Variants in FAM200B observed in about 807,000 individuals in gnomAD.
FAM200B encodes the protein protein FAM200B.
Under a neutral mutation model 33.1 loss-of-function variants are expected in FAM200B, and 32 were observed. The observed-to-expected ratio is 0.97, with a 90% CI of 0.73 to 1.30. The LOEUF is 1.30. FAM200B is among the 50% of genes most tolerant of loss of function. The probability of loss-of-function intolerance (pLI) is 0.00; values close to 1 mark genes in which losing one functional copy is unlikely to be tolerated. For missense variants in FAM200B, 741 were observed against 754.0 expected, an observed-to-expected ratio of 0.98 and a Z score of 0.20; for synonymous variants, 240 against 264.8, an observed-to-expected ratio of 0.91 and a Z score of 0.91.
chr4:15,641,962 A>T, the FAM200B span, among the ~76,000 whole-genome samples: 3 of 151,766 alleles, frequency 2.0e-5, no homozygotes, highest in Admixed American at 2.0e-4. Context: ...TGGAAGAAGG[A>T]GGTTGCGGTG....
chr4:15,670,870 G>C, the FAM200B span, among the ~76,000 whole-genome samples: 29 of 140,172 alleles, frequency 2.1e-4, no homozygotes, highest in African/African-American at 7.6e-4. Context: ...GTCTGAAAAA[G>C]TATGCTGCTT....
the FAM200B span, among the ~76,000 whole-genome samples, chr4:15,659,379 T>C: frequency 6.6e-6 from 1 of 152,162 alleles, no homozygotes; most frequent in South Asian, 2.1e-4. Flanking sequence ...ATTTCAACAA[T>C]TGTTACCCTC....
At chr4:15,673,378 C>T in the FAM200B span, among the ~76,000 whole-genome samples, 1 of 152,026 alleles carries the variant, frequency 6.6e-6, no homozygotes, top group African/African-American at 2.4e-5. Flanking sequence ...AAGGTCGAGG[C>T]TGCAGTGAGC....
the FAM200B span, among the ~76,000 whole-genome samples, chr4:15,648,483 A>G: frequency 6.6e-6 from 1 of 152,208 alleles, no homozygotes; most frequent in South Asian, 2.1e-4. Context: ...AGCCAACCTG[A>G]GTGCTTGTCC....
At position 15,688,774 on chromosome 4, in the gene FAM200B, C is replaced by T. The variant is rs977915674; in HGVS notation, c.1797C>T (p.Val599=). 6.4e-7 allele frequency: 1 copy of T among 1,550,906 alleles called. No individual in the cohort carries two copies. Among genetic ancestry groups the T allele is most frequent in the Non-Finnish European group, 8.7e-7 (1 of 1,146,492 alleles). Residue 599 remains valine, a synonymous_variant, in exon 2 of 2, where the codon GTC becomes GTT. Coordinates refer to ENST00000422728, the MANE Select transcript of FAM200B (RefSeq NM_001145191.2). ...TTCCATTGTTAAGTAGAAAGAGTGTCCTGCTATTGCTACCATTCACAACAA... is the reference window on the plus strand; with the variant it reads ...TTCCATTGTTAAGTAGAAAGAGTGTTCTGCTATTGCTACCATTCACAACAA... ...EDFPLLSRKS[V]LLLLPFTTTS...
upstream of FAM200B, among the ~76,000 whole-genome samples, chr4:15,679,738 A>G (rs1391595180): frequency 6.6e-6 from 1 of 151,804 alleles, no homozygotes; most frequent in Non-Finnish European, 1.5e-5. Flanking sequence ...AAAAATCCCA[A>G]TTATATTCCT....
the FAM200B span, among the ~76,000 whole-genome samples, chr4:15,675,180 A>G: frequency 6.6e-6 from 1 of 152,284 alleles, no homozygotes; most frequent in South Asian, 2.1e-4. Flanking sequence ...CACATAATTT[A>G]TAGAGGAAAG....
At chr4:15,675,422 T>C in the FAM200B span, among the ~76,000 whole-genome samples, 1 of 152,130 alleles carries the variant, frequency 6.6e-6, no homozygotes, top group Non-Finnish European at 1.5e-5. Flanking sequence ...CTATCCTGGA[T>C]TTACCAGCCT....
the FAM200B span, among the ~76,000 whole-genome samples, chr4:15,656,883 T>G: frequency 6.6e-6 from 1 of 152,006 alleles, no homozygotes; most frequent in Non-Finnish European, 1.5e-5. Context: ...GACATTCTAG[T>G]AGTTGCCTAG....
At chr4:15,682,316 C>A (rs1483169980) in intron 1 of FAM200B, among the ~76,000 whole-genome samples, 1 of 152,166 alleles carries the variant, frequency 6.6e-6, no homozygotes, top group Non-Finnish European at 1.5e-5. Flanking sequence ...ATTTCCAGTG[C>A]CTTCAGGAAG....
the FAM200B span, chr4:15,655,300 AGCCTCCGCCTCAGCAGCCGCG>A: frequency 7.2e-7 from 1 of 1,395,112 alleles, no homozygotes; most frequent in Non-Finnish European, 9.5e-7. Context: ...CCACTGCCTC[AGCCTCCGCCTCAGCAGCCGCG>A]GCCGCCGCCT....
chr4:15,685,770 AC>A (rs1718778103), intron 1 of FAM200B, among the ~76,000 whole-genome samples: 1 of 152,160 alleles, frequency 6.6e-6, no homozygotes. Context: ...GTAGGACTGC[AC>A]CCCTCCCAAA....
the FAM200B span, among the ~76,000 whole-genome samples, chr4:15,657,594 C>T: frequency 6.6e-6 from 1 of 152,216 alleles, no homozygotes; most frequent in Non-Finnish European, 1.5e-5. Flanking sequence ...ACTTTGGACA[C>T]TGGCCATTTC....
chr4:15,658,029 T>C, the FAM200B span, among the ~76,000 whole-genome samples: 1 of 152,226 alleles, frequency 6.6e-6, no homozygotes, highest in African/African-American at 2.4e-5. Context: ...TTACCTACTC[T>C]CATTCTCTCT....
the FAM200B span, among the ~76,000 whole-genome samples, chr4:15,662,442 G>A: frequency 1.3e-5 from 2 of 152,140 alleles, no homozygotes; most frequent in Non-Finnish European, 2.9e-5. Context: ...AACGGAATAA[G>A]TGTAATAGGC....
At chr4:15,651,997 AT>A in the FAM200B span, among the ~76,000 whole-genome samples, 1 of 152,184 alleles carries the variant, frequency 6.6e-6, no homozygotes, top group Non-Finnish European at 1.5e-5. Context: ...CATAGATGTT[AT>A]TACATACTGG....
chr4:15,675,034 GA>G, the FAM200B span, among the ~76,000 whole-genome samples: 11 of 149,532 alleles, frequency 7.4e-5, no homozygotes, highest in East Asian at 1.8e-3. Context: ...TAGGAATCAC[GA>G]AAAAAAAAGC....
the FAM200B span, among the ~76,000 whole-genome samples, chr4:15,676,453 A>C: frequency 6.6e-6 from 1 of 152,214 alleles, no homozygotes; most frequent in East Asian, 1.9e-4. Flanking sequence ...AACAAAAAAA[A>C]GGGAGACTCT....
the FAM200B span, among the ~76,000 whole-genome samples, chr4:15,637,767 C>T: frequency 2.0e-5 from 3 of 152,010 alleles, no homozygotes; most frequent in African/African-American, 4.8e-5. Flanking sequence ...TGCATTTCAC[C>T]TACTTTGTTA....
Sources: gnomAD v4.1 joint callset for allele counts (sites outside exome capture counted in the v4.1 genomes callset) on GRCh38, gnomAD v4.1.1 for gene constraint, MANE v1.5 for transcripts, NCBI Gene and HGNC (gene_info 2026-07-23, HGNC 2026-07-21) for gene names.